The following TXN variants were observed in gnomAD, a reference collection of about 807,000 sequenced individuals.
TXN encodes the protein ADF.
In TXN, 10 loss-of-function variants were observed where a neutral mutation model predicts 16.5. The observed-to-expected ratio is 0.61, with a 90% CI of 0.37 to 1.03. TXN has a LOEUF of 1.03. Among genes scored for constraint, TXN ranks in the 50% least tolerant of loss-of-function variants. The pLI is 0.01. For synonymous variants in TXN, 35 were observed against 39.4 expected (o/e 0.89, Z 0.42); for missense variants, 71 against 122.5 (o/e 0.58, Z 1.98).
intron 3 of TXN, among the ~76,000 whole-genome samples, chr9:110,249,145 A>G (rs1837695196): frequency 6.7e-6 from 1 of 150,120 alleles, no homozygotes; most frequent in Admixed American, 6.6e-5. Flanking sequence ...AAAAAAAAAA[A>G]AAAAAAAAAA....
rs1426157107 is a variant in TXN, at chr9:110,245,644, ATATATATATATT to A, written c.190-813_190-802del. Reference sequence around the variant, plus strand: ...TATATATATATATATATATATATATATATATATATATTTTTTTTTTTTTTTTTTTATAGGGAC... The same window carrying A: ...TATATATATATATATATATATATATATTTTTTTTTTTTTTTTTATAGGGAC... On this transcript the variant is annotated intron_variant, in intron 3 of 4. Coordinates refer to ENST00000374517, the MANE Select transcript of TXN (RefSeq NM_003329.4). Among the ~76,000 whole-genome samples the A allele has an allele frequency of 2.2e-4, 6 of 27,584 alleles. 1 individual carries two copies. The highest frequency in any genetic ancestry group is 2.1e-3 in the East Asian group (2 of 948). The allele number at this position is 27,584 out of a possible 152,430, so 18.1% of individuals were successfully genotyped here.
intron 3 of TXN, among the ~76,000 whole-genome samples, chr9:110,245,616 CACTATATATA>C (rs1270848747): frequency 5.4e-5 from 4 of 73,640 alleles, no homozygotes; most frequent in African/African-American, 1.7e-4. Flanking sequence ...CACACACACA[CACTATATATA>C]TATATATATA....
In TXN at chr9:110,244,841, A is replaced by G; in HGVS notation, c.192T>C (p.Asp64=). 1 of 1,612,852 alleles carries G rather than the reference A, an allele frequency of 6.2e-7. No individual in the cohort carries two copies. The highest frequency in any genetic ancestry group is 8.5e-7 in the Non-Finnish European group (1 of 1,179,048). ...ATTTGACTTCACACTCTGAAGCAAC[A>G]TCCTGGTAGGGAAAGTAGCAAAGGG... ...FLEVDVDDCQ[D]VASECEVKCM... Residue 64 remains aspartate, a splice_region_variant and synonymous_variant, in exon 4 of 5, where the codon GAT becomes GAC. Transcript: ENST00000374517.
At chr9:110,254,342 G>A (rs1442047418) in intron 1 of TXN, among the ~76,000 whole-genome samples, 2 of 152,222 alleles carry the variant, frequency 1.3e-5, no homozygotes, top group South Asian at 2.1e-4. Context: ...CCAACATGGT[G>A]AAACCCCATC....
At position 110,244,742 on chromosome 9, in the gene TXN, T is replaced by C. The variant is rs781201660; in HGVS notation, c.255+36A>G. 3.2e-6 allele frequency: 5 copies of C among 1,541,470 alleles called. No homozygotes were observed. In the South Asian group the frequency reaches 4.5e-5, roughly 14 times the overall value. On this transcript the variant is annotated intron_variant, in intron 4 of 4. Coordinates refer to ENST00000374517, the MANE Select transcript of TXN (RefSeq NM_003329.4). ...TATTCACTTATACTGGGTTTCCTAT[T>C]GCCCAGTTAGAGTTTTAAAGGTCAG...
At chr9:110,252,889 C>T (rs4135186) in intron 1 of TXN, among the ~76,000 whole-genome samples, 6,141 of 152,190 alleles carry the variant, frequency 0.04, 164 homozygotes, top group Non-Finnish European at 0.058. Context: ...AAGTGATCCA[C>T]CCGCCTTGGC....
At chr9:110,254,321 G>T (rs1474765981) in intron 1 of TXN, among the ~76,000 whole-genome samples, 3 of 152,194 alleles carry the variant, frequency 2.0e-5, no homozygotes, top group African/African-American at 4.8e-5. Context: ...AGGAGTTCGA[G>T]ACAAACCTGA....
intron 3 of TXN, among the ~76,000 whole-genome samples, chr9:110,248,490 T>G (rs142388664): frequency 9.8e-4 from 149 of 152,338 alleles, no homozygotes; most frequent in African/African-American, 3.3e-3. Flanking sequence ...GCAACAGGCT[T>G]TACCACATAG....
At chr9:110,250,500 G>A (rs953278273) in intron 3 of TXN, among the ~76,000 whole-genome samples, 2 of 152,256 alleles carry the variant, frequency 1.3e-5, no homozygotes, top group African/African-American at 4.8e-5. Context: ...GCCTATGGAT[G>A]TAATGATCAT....
At position 110,251,355 on chromosome 9, in the gene TXN, C is replaced by A; in HGVS notation, c.129+3G>T. 6.3e-7 allele frequency: 1 copy of A among 1,596,822 alleles called. No homozygotes were observed. Among genetic ancestry groups the A allele is most frequent in the South Asian group, 1.1e-5 (1 of 90,648 alleles). On this transcript the variant is annotated splice_donor_region_variant and intron_variant, in intron 2 of 4. Coordinates refer to ENST00000374517, the MANE Select transcript of TXN (RefSeq NM_003329.4). ...TACAAAGCAGACATTGTTTAATACTCACATGAAAGAAAGGCTTGATCATTT... is the reference window on the plus strand; with the variant it reads ...TACAAAGCAGACATTGTTTAATACTAACATGAAAGAAAGGCTTGATCATTT...
intron 1 of TXN, among the ~76,000 whole-genome samples, chr9:110,255,066 A>C (rs1420206058): frequency 6.6e-6 from 1 of 152,240 alleles, no homozygotes; most frequent in Non-Finnish European, 1.5e-5. Context: ...AGTGGCAATC[A>C]ACATATGAGG....
intron 1 of TXN, among the ~76,000 whole-genome samples, chr9:110,252,289 C>T (rs529353528): frequency 1.2e-3 from 168 of 143,044 alleles, no homozygotes; most frequent in African/African-American, 4.1e-3. Flanking sequence ...GTGGACCATA[C>T]GAAAATCTAA....
Position 110,256,298 on chromosome 9 carries a change from A to G in TXN, c.24+114T>C, listed in dbSNP as rs549663438. 1.4e-4 allele frequency: 148 copies of G among 1,054,540 alleles called. 3 individuals carry two copies. The South Asian group carries it at 1.8e-3, about 13-fold the overall frequency. The allele number at this position is 1,054,540 out of a possible 1,614,324, so 65.3% of individuals were successfully genotyped here. A position where few individuals can be genotyped will look rare whatever the true frequency, so the allele number is the denominator to read the frequency against. ...GCGTCCCTTTCCCCTGGCGATGCGG[A>G]GGGGCGGCCTCCGCACCTCCCGCCA... On this transcript the variant is annotated intron_variant, in intron 1 of 4. Coordinates refer to ENST00000374517, the MANE Select transcript of TXN (RefSeq NM_003329.4). This position sits in a 1 kb window ranked among gnomAD's most constrained non-coding sequence, Gnocchi z 4.2.
intron 3 of TXN, among the ~76,000 whole-genome samples, chr9:110,245,593 G>GTGTA (rs1554766606): frequency 1.2e-4 from 8 of 67,046 alleles, no homozygotes; most frequent in Admixed American, 5.5e-4. Flanking sequence ...GTGTGTGTGT[G>GTGTA]TATATATATA....
intron 1 of TXN, among the ~76,000 whole-genome samples, chr9:110,255,644 G>T (rs930772413): frequency 6.6e-6 from 1 of 152,202 alleles, no homozygotes; most frequent in Non-Finnish European, 1.5e-5. Context: ...CCGGAAACGC[G>T]CCCTGCGCCA....
chr9:110,250,272 C>T (rs1045326080), intron 3 of TXN, among the ~76,000 whole-genome samples: 1 of 152,202 alleles, frequency 6.6e-6, no homozygotes, highest in Non-Finnish European at 1.5e-5. Context: ...CTGGTATATA[C>T]CTAGTGCAAA....
chr9:110,251,031 T>A (rs1164704237), intron 2 of TXN, 152 bp from the exon 3 acceptor site: 13 of 646,086 alleles, frequency 2.0e-5, no homozygotes, highest in Non-Finnish European at 3.2e-5. Context: ...CTAAGAGACA[T>A]AAATTTTCTC....
In TXN at chr9:110,244,213, C is replaced by T; in HGVS notation, c.262G>A (p.Glu88Lys). ...QFFKKGQKVG[E>K]FSGANKEKLE... ...TTTTCCTTATTGGCTCCAGAAAATT[C>T]ACCCACCTGTTAAGAGAATATTGAA... Residue 88 changes from glutamate to lysine, a missense_variant, in exon 5 of 5, where the codon GAA (glutamate) becomes AAA (lysine). Physicochemically the swap from Glu to Lys is moderately conservative, Grantham distance 56. Transcript: ENST00000374517. The T allele has an allele frequency of 6.4e-7, 1 of 1,565,808 alleles. No individual in the cohort carries two copies. Among genetic ancestry groups the T allele is most frequent in the Non-Finnish European group, 8.7e-7 (1 of 1,154,710 alleles).
At chr9:110,249,615 G>A (rs1034873449) in intron 3 of TXN, among the ~76,000 whole-genome samples, 5 of 152,308 alleles carry the variant, frequency 3.3e-5, no homozygotes, top group Middle Eastern at 3.4e-3. Flanking sequence ...GGAAAGGACA[G>A]GCCAGATGGA....
Sources: allele counts gnomAD v4.1 joint callset (sites outside exome capture counted in the v4.1 genomes callset), GRCh38; gene constraint gnomAD v4.1.1; non-coding constraint Gnocchi (gnomAD v3.1); transcripts MANE v1.5; gene names NCBI Gene and HGNC (gene_info 2026-07-23, HGNC 2026-07-21).